ZNF75D: variants seen among roughly 807,000 people sequenced by gnomAD.
The protein encoded by ZNF75D is zinc finger protein 75.
In ZNF75D, 33 loss-of-function variants were observed where a neutral mutation model predicts 33.3. The observed-to-expected ratio is 0.99, with a 90% CI of 0.75 to 1.32. The LOEUF (loss-of-function observed/expected upper bound fraction) is 1.32. Ranked by LOEUF, ZNF75D falls within the 40% of genes most tolerant of loss-of-function variation. The pLI, the probability that ZNF75D is intolerant of heterozygous loss-of-function variation, is 0.00. For synonymous variants in ZNF75D, 113 were observed against 130.6 expected (o/e 0.87, Z 0.92); for missense variants, 338 against 367.5 (o/e 0.92, Z 0.66).
rs1556421536 is a variant in ZNF75D at position 135,292,383 on chromosome X, G to A, written c.502C>T (p.Pro168Ser). 5 of 1,211,465 alleles carry A rather than the reference G, an allele frequency of 4.1e-6. No individual in the cohort carries two copies. The highest frequency in any genetic ancestry group is 4.5e-6 in the Non-Finnish European group (4 of 895,252). Residue 168 changes from proline to serine, a missense_variant, in exon 4 of 7, where the codon CCA becomes TCA. By Grantham distance (74) the Pro-to-Ser change is moderately conservative. Coordinates refer to ENST00000370766, the MANE Select transcript of ZNF75D (RefSeq NM_007131.5). ...GFKWKPAEPQ[P>S]MGVFQKEYWN... is the part of the protein sequence containing the mutation. ...TATTCTTTCTGGAACACACCCATTGGTTGGGGCTCTGCTGGCTTCCACTTG... is the reference window on the plus strand; with the variant it reads ...TATTCTTTCTGGAACACACCCATTGATTGGGGCTCTGCTGGCTTCCACTTG...
rs782423250 is a variant in ZNF75D at position 135,287,376 on chromosome X, G to A, written c.1294C>T (p.His432Tyr). The A allele has an allele frequency of 5.8e-6, 7 of 1,210,568 alleles. No individual in the cohort carries two copies. In the South Asian group the frequency reaches 1.1e-4, roughly 18 times the overall value. The change falls in exon 7 of 7, where the codon CAT becomes TAT. Residue 432 changes from histidine (H) to tyrosine (Y), a missense_variant. By Grantham distance (83) the His-to-Tyr change is moderately conservative (BLOSUM62 2). Transcript: ENST00000370766. ...TGGTGTGTGTGTAGATTTGTGTTAT[G>A]ACTAAAGCTTTTCCCACACCATGAG... is the stretch of plus-strand genomic sequence containing the variant. ...RCSWCGKSFS[H>Y]NTNLHTHQRI...
intron 1 of ZNF75D, among the ~76,000 whole-genome samples, chrX:135,258,361 G>C (rs1461584927): frequency 2.7e-5 from 3 of 110,431 alleles, no homozygotes; most frequent in African/African-American, 9.8e-5. Context: ...GATCCTTGAG[G>C]AATCGCCACA....
intron 1 of ZNF75D, among the ~76,000 whole-genome samples, chrX:135,275,355 T>C (rs1252135095): frequency 8.9e-6 from 1 of 112,422 alleles, no homozygotes. Context: ...TTTGCATGTA[T>C]AGTGCTGGCA....
At chrX:135,305,760 C>G (rs1009476569) in intron 1 of ZNF75D, among the ~76,000 whole-genome samples, 13 of 110,845 alleles carry the variant, frequency 1.2e-4, no homozygotes, top group African/African-American at 4.3e-4. Context: ...GAATCCAACA[C>G]CCCCAGACTC....
chrX:135,301,268 T>C (rs1045453319), intron 1 of ZNF75D, among the ~76,000 whole-genome samples: 20 of 111,511 alleles, frequency 1.8e-4, no homozygotes, highest in African/African-American at 6.5e-4. Context: ...TACAGGTCCC[T>C]CCCTCGACAT....
At chrX:135,313,931 G>A in intron 1 of ZNF75D, among the ~76,000 whole-genome samples, 1 of 111,775 alleles carries the variant, frequency 8.9e-6, no homozygotes, top group African/African-American at 3.2e-5. Context: ...CATGTCACCT[G>A]CAAAGAGGAA....
intron 3 of ZNF75D, among the ~76,000 whole-genome samples, chrX:135,250,419 A>C (rs1317826427): frequency 3.8e-5 from 4 of 105,433 alleles, no homozygotes; most frequent in African/African-American, 1.4e-4. Flanking sequence ...CTATGTATAG[A>C]AAGGAAATGT....
rs781922393 is a variant in ZNF75D at position 135,287,630 on chromosome X, T to A, written c.1040A>T (p.Glu347Val). ...ATGAAGATCCATAAGTTTTGGAAGC[T>A]CTTGTTTACAAGTTGCAGGTTTCTT... ...KRKKPATCKQ[E>V]LPKLMDLHGK... Residue 347 changes from glutamate to valine, a missense_variant, in exon 7 of 7, where the codon GAG (glutamate) becomes GTG (valine). By Grantham distance (121) the Glu-to-Val change is moderately radical. This residue lies in a region of ZNF75D where 254 missense variants were observed against 267.7 expected (regional missense o/e 0.95). Transcript: ENST00000370766. The A allele has an allele frequency of 8.3e-7, 1 of 1,209,888 alleles. No individual in the cohort carries two copies. Among genetic ancestry groups the A allele is most frequent in the African/African-American group, 1.7e-5 (1 of 57,391 alleles).
chrX:135,300,746 C>CA (rs57422132), intron 1 of ZNF75D, among the ~76,000 whole-genome samples: 17,346 of 85,213 alleles, frequency 0.2, 1,657 homozygotes, highest in Middle Eastern at 0.32. Context: ...GACTCCATCT[C>CA]AAAAAAAAAA....
chrX:135,280,456 G>T (rs1247596426), intron 1 of ZNF75D, among the ~76,000 whole-genome samples: 1 of 111,731 alleles, frequency 9.0e-6, no homozygotes, highest in Non-Finnish European at 1.9e-5. Flanking sequence ...GCCACTCTCT[G>T]TCTTTTAATT....
chrX:135,267,237 TTATAA>T (rs1351875700), intron 1 of ZNF75D, among the ~76,000 whole-genome samples: 6 of 111,097 alleles, frequency 5.4e-5, no homozygotes, highest in African/African-American at 2.0e-4. Flanking sequence ...GAACCCAAAA[TTATAA>T]TAACAGAAAT....
intron 1 of ZNF75D, among the ~76,000 whole-genome samples, chrX:135,313,540 T>C (rs2084385319): frequency 9.0e-6 from 1 of 111,405 alleles, no homozygotes; most frequent in Admixed American, 9.5e-5. Context: ...AAAATGGCAT[T>C]AGCGTTTTGA....
intron 1 of ZNF75D, chrX:135,309,678 A>G: frequency 3.4e-6 from 1 of 297,138 alleles, no homozygotes; most frequent in Non-Finnish European, 5.9e-6. Context: ...CAGGGTGAAC[A>G]TGGCCTTGGA....
intron 6 of ZNF75D, among the ~76,000 whole-genome samples, chrX:135,289,643 C>G (rs1042651215): frequency 1.9e-5 from 2 of 105,704 alleles, no homozygotes; most frequent in African/African-American, 6.9e-5. Context: ...CACACACACA[C>G]ACACACACAC....
chrX:135,325,317 C>T (rs782148995), intron 1 of ZNF75D, among the ~76,000 whole-genome samples: 1 of 109,750 alleles, frequency 9.1e-6, no homozygotes, highest in Admixed American at 9.4e-5. Flanking sequence ...CCCTCGCTTG[C>T]TCTCGGCGCC....
At chrX:135,337,997 A>T (rs1259232586) in intron 1 of ZNF75D, among the ~76,000 whole-genome samples, 1 of 110,760 alleles carries the variant, frequency 9.0e-6, no homozygotes, top group Non-Finnish European at 1.9e-5. Flanking sequence ...GAGGTGAAGG[A>T]TCTACTGTCA....
intron 1 of ZNF75D, among the ~76,000 whole-genome samples, chrX:135,305,644 C>T (rs1556425583): frequency 9.0e-6 from 1 of 111,261 alleles, no homozygotes; most frequent in Non-Finnish European, 1.9e-5. Context: ...ACCAAGACCT[C>T]TAAGTGGGCT....
chrX:135,311,798 T>C (rs1359265816), intron 1 of ZNF75D, among the ~76,000 whole-genome samples: 3 of 112,132 alleles, frequency 2.7e-5, no homozygotes, highest in Non-Finnish European at 5.6e-5. Flanking sequence ...GTATTTGCCT[T>C]TTCTGTGCCT....
At chrX:135,331,257 C>G (rs1556440429) in intron 1 of ZNF75D, among the ~76,000 whole-genome samples, 1 of 110,434 alleles carries the variant, frequency 9.1e-6, no homozygotes, top group African/African-American at 3.3e-5. Context: ...TCTCATTGTC[C>G]CCAAAGAAGT....
Sources: gnomAD v4.1 joint callset for allele counts (sites outside exome capture counted in the v4.1 genomes callset) on GRCh38, gnomAD v4.1.1 for gene constraint, gnomAD v4.1.1 regional missense constraint, MANE v1.5 for transcripts, NCBI Gene and HGNC (gene_info 2026-07-23, HGNC 2026-07-21) for gene names.